RAB38: variants seen among roughly 807,000 people sequenced by gnomAD.
RAB38 encodes ras-related protein Rab-38.
A neutral mutation model predicts 18.4 loss-of-function variants in RAB38; 15 were observed. The ratio of observed to expected loss-of-function variants is 0.82; its 90% CI spans 0.55 to 1.26. RAB38 has a LOEUF of 1.26. Among genes scored for constraint, RAB38 ranks in the 50% most tolerant of loss-of-function variants. The pLI, the probability that RAB38 is intolerant of heterozygous loss-of-function variation, is 0.00. For synonymous variants in RAB38, 101 were observed against 104.4 expected (o/e 0.97, Z 0.20); for missense variants, 294 against 267.4 (o/e 1.10, Z -0.69).
chr11:87,953,913 A>G, the RAB38 span, among the ~76,000 whole-genome samples: 2 of 144,604 alleles, frequency 1.4e-5, no homozygotes, highest in South Asian at 4.3e-4. Flanking sequence ...AGCTATTTGT[A>G]TTTATTTATT....
the RAB38 span, among the ~76,000 whole-genome samples, chr11:88,014,054 T>G: frequency 6.6e-6 from 1 of 152,130 alleles, no homozygotes; most frequent in South Asian, 2.1e-4. Flanking sequence ...AGTGCACTAC[T>G]AGGGACAATC....
At chr11:88,065,299 G>A in the RAB38 span, among the ~76,000 whole-genome samples, 1 of 152,190 alleles carries the variant, frequency 6.6e-6, no homozygotes, top group Non-Finnish European at 1.5e-5. Flanking sequence ...CAGTACAGGA[G>A]AAACCATACA....
chr11:88,158,496 C>T lies in RAB38; in HGVS notation c.203-8541G>A, dbSNP rs532842653. ...AAAAAGAAAACTACAGGCCAATATT[C>T]GTGATAAACATAGACACAAAATTCC... On this transcript the variant is annotated intron_variant, in intron 1 of 2. Coordinates refer to ENST00000243662, the MANE Select transcript of RAB38 (RefSeq NM_022337.3). Among the ~76,000 whole-genome samples the T allele has an allele frequency of 3.7e-4, 57 of 152,124 alleles. No homozygotes were observed. In the South Asian group the frequency reaches 0.011, roughly 29 times the overall value.
chr11:87,855,569 G>T, the RAB38 span, among the ~76,000 whole-genome samples: 1 of 152,026 alleles, frequency 6.6e-6, no homozygotes, highest in African/African-American at 2.4e-5. Context: ...TTGGAGAATA[G>T]AAAAAATACA....
the RAB38 span, among the ~76,000 whole-genome samples, chr11:87,954,935 A>G: frequency 6.6e-5 from 10 of 152,236 alleles, no homozygotes; most frequent in African/African-American, 2.4e-4. Context: ...AAATAAGCAG[A>G]GGAAAGAATT....
chr11:88,054,699 G>A, the RAB38 span, among the ~76,000 whole-genome samples: 12 of 152,190 alleles, frequency 7.9e-5, no homozygotes, highest in Admixed American at 2.0e-4. Flanking sequence ...CTTTGTTCAG[G>A]GTGATAGATG....
At chr11:87,893,341 A>G in the RAB38 span, among the ~76,000 whole-genome samples, 2 of 132,124 alleles carry the variant, frequency 1.5e-5, no homozygotes, top group African/African-American at 2.7e-5. Context: ...TATTTTACAC[A>G]CACACACATA....
chr11:88,028,102 G>C, the RAB38 span, among the ~76,000 whole-genome samples: 1 of 152,202 alleles, frequency 6.6e-6, no homozygotes, highest in African/African-American at 2.4e-5. Context: ...CACCGCTGCT[G>C]ATACCCACGC....
the RAB38 span, among the ~76,000 whole-genome samples, chr11:88,076,968 AAAAAAAAG>A: frequency 9.8e-6 from 1 of 101,762 alleles, no homozygotes; most frequent in Non-Finnish European, 2.0e-5. Context: ...AAAAAAAAAA[AAAAAAAAG>A]AAAGAAAGAA....
chr11:88,073,341 C>G, the RAB38 span, among the ~76,000 whole-genome samples: 36 of 152,128 alleles, frequency 2.4e-4, no homozygotes, highest in Non-Finnish European at 3.8e-4. Context: ...GCACAAACTC[C>G]TAGCTAGTCT....
At chr11:88,043,556 G>C in the RAB38 span, among the ~76,000 whole-genome samples, 3 of 151,720 alleles carry the variant, frequency 2.0e-5, no homozygotes. Flanking sequence ...AAATTCCTTT[G>C]CCTGGCTCAT....
the RAB38 span, among the ~76,000 whole-genome samples, chr11:87,832,582 T>C: frequency 2.0e-5 from 3 of 152,140 alleles, no homozygotes; most frequent in South Asian, 6.2e-4. Flanking sequence ...CCCTTAACTC[T>C]CGCAGAACTC....
the RAB38 span, among the ~76,000 whole-genome samples, chr11:87,860,582 C>A: frequency 6.6e-6 from 1 of 151,692 alleles, no homozygotes; most frequent in Non-Finnish European, 1.5e-5. Flanking sequence ...AAAATTCATA[C>A]ATAAATATTA....
chr11:88,050,110 T>C, the RAB38 span: 1 of 152,242 alleles, frequency 6.6e-6, no homozygotes, highest in Non-Finnish European at 1.5e-5. Context: ...TTTAAGGTAC[T>C]GGTGCAGACA....
At chr11:87,885,810 A>G in the RAB38 span, among the ~76,000 whole-genome samples, 2 of 152,140 alleles carry the variant, frequency 1.3e-5, no homozygotes, top group East Asian at 3.9e-4. Context: ...TTTTTAAAAA[A>G]TGAGGTACCA....
chr11:87,847,160 C>A, the RAB38 span, among the ~76,000 whole-genome samples: 7 of 151,140 alleles, frequency 4.6e-5, no homozygotes, highest in African/African-American at 7.3e-5. Flanking sequence ...TAAAGAAAAC[C>A]CAGAAATCAT....
At chr11:88,109,997 A>C (rs1942452355), downstream of RAB38, among the ~76,000 whole-genome samples, 1 of 152,214 alleles carries the variant, frequency 6.6e-6, no homozygotes, top group South Asian at 2.1e-4. Context: ...ATACCATTTG[A>C]CCCAGCAATC....
At chr11:88,086,312 G>A in the RAB38 span, among the ~76,000 whole-genome samples, 1 of 151,834 alleles carries the variant, frequency 6.6e-6, no homozygotes, top group Non-Finnish European at 1.5e-5. Context: ...ATTTTGTTAT[G>A]CCAAGGAGTA....
At chr11:87,830,157 G>A in the RAB38 span, among the ~76,000 whole-genome samples, 1 of 152,094 alleles carries the variant, frequency 6.6e-6, no homozygotes, top group South Asian at 2.1e-4. Context: ...ATTAGACATT[G>A]TGGAAGGTGC....
Sources: allele counts gnomAD v4.1 joint callset (sites outside exome capture counted in the v4.1 genomes callset), GRCh38; gene constraint gnomAD v4.1.1; transcripts MANE v1.5; gene names NCBI Gene and HGNC (gene_info 2026-07-23, HGNC 2026-07-21).